The following RNF152 variants were observed in gnomAD, a reference collection of about 807,000 sequenced individuals.
RNF152 encodes E3 ubiquitin-protein ligase RNF152.
Under a neutral mutation model 12.7 loss-of-function variants are expected in RNF152, and 11 were observed. That is an observed-to-expected ratio of 0.86 (90% CI 0.54 to 1.43). The LOEUF is 1.43. Ranked by LOEUF, RNF152 falls within the 40% of genes most tolerant of loss-of-function variation. The pLI is 0.00. For synonymous variants in RNF152, 113 were observed against 120.3 expected (o/e 0.94, Z 0.40); for missense variants, 255 against 274.8 (o/e 0.93, Z 0.51).
At chr18:61,865,800 C>T (rs2144726192) in intron 1 of RNF152, among the ~76,000 whole-genome samples, 1 of 152,252 alleles carries the variant, frequency 6.6e-6, no homozygotes, top group African/African-American at 2.4e-5. Context: ...GACAGCTGTC[C>T]CAATCCCCAA....
intron 1 of RNF152, among the ~76,000 whole-genome samples, chr18:61,828,864 T>C (rs1045659391): frequency 6.6e-6 from 1 of 152,134 alleles, no homozygotes; most frequent in South Asian, 2.1e-4. Flanking sequence ...CAGGCAGCCA[T>C]GCTTGATGTG....
intron 1 of RNF152, among the ~76,000 whole-genome samples, chr18:61,822,578 G>C (rs1311256365): frequency 6.6e-6 from 1 of 152,136 alleles, no homozygotes; most frequent in Non-Finnish European, 1.5e-5. Context: ...TAGAAGTCTA[G>C]GCATATGAGC....
At chr18:61,864,556 A>G (rs937509259) in intron 1 of RNF152, among the ~76,000 whole-genome samples, 2 of 152,146 alleles carry the variant, frequency 1.3e-5, no homozygotes, top group African/African-American at 2.4e-5. Flanking sequence ...CGCTGTGTAG[A>G]CATGGTCGAT....
At chr18:61,862,141 T>C (rs1317213995) in intron 1 of RNF152, among the ~76,000 whole-genome samples, 2 of 152,106 alleles carry the variant, frequency 1.3e-5, no homozygotes, top group African/African-American at 4.8e-5. Flanking sequence ...TTGAGGCTTT[T>C]TTCTCCCTTT....
At chr18:61,845,923 G>T (rs1398314095) in intron 1 of RNF152, among the ~76,000 whole-genome samples, 5 of 151,570 alleles carry the variant, frequency 3.3e-5, no homozygotes, top group Non-Finnish European at 4.4e-5. Context: ...CTTTGTGTGG[G>T]GGGGCGTGGT....
At chr18:61,876,003 C>T (rs1861280558) in intron 1 of RNF152, among the ~76,000 whole-genome samples, 2 of 152,112 alleles carry the variant, frequency 1.3e-5, no homozygotes, top group Admixed American at 6.5e-5. Flanking sequence ...TCCCTAAGTC[C>T]CCCTCCCACC....
intron 1 of RNF152, among the ~76,000 whole-genome samples, chr18:61,878,383 A>G (rs1213133153): frequency 1.3e-5 from 2 of 152,190 alleles, no homozygotes; most frequent in Admixed American, 1.3e-4. Context: ...GTGAGCATCT[A>G]GCCAGCCTCT....
intron 1 of RNF152, among the ~76,000 whole-genome samples, chr18:61,825,714 C>T (rs1013349496): frequency 1.1e-4 from 16 of 152,116 alleles, no homozygotes; most frequent in African/African-American, 3.6e-4. Context: ...AGCCAGGCTC[C>T]CTTGGAGAGC....
chr18:61,857,698 CAA>C (rs1911287098), intron 1 of RNF152, among the ~76,000 whole-genome samples: 1 of 124,028 alleles, frequency 8.1e-6, no homozygotes, highest in African/African-American at 3.1e-5. Flanking sequence ...AGTCATTAAA[CAA>C]ACAAACAAAC....
chr18:61,852,823 C>T (rs1278518953), intron 1 of RNF152, among the ~76,000 whole-genome samples: 4 of 152,136 alleles, frequency 2.6e-5, no homozygotes, highest in African/African-American at 9.7e-5. Flanking sequence ...GCCTGCTCCC[C>T]TAAAAAGTGC....
At chr18:61,817,770 T>C (rs1336097101) in intron 1 of RNF152, among the ~76,000 whole-genome samples, 6 of 151,270 alleles carry the variant, frequency 4.0e-5, no homozygotes. Flanking sequence ...GTTAGCATCC[T>C]GGTATGGAGG....
At chr18:61,823,310 GT>G (rs1008073225) in intron 1 of RNF152, among the ~76,000 whole-genome samples, 4 of 152,014 alleles carry the variant, frequency 2.6e-5, no homozygotes, top group Admixed American at 2.6e-4. Flanking sequence ...CATGTTTTTT[GT>G]TTTTTTGAGA....
chr18:61,840,997 C>T (rs1910429883), intron 1 of RNF152, among the ~76,000 whole-genome samples: 1 of 152,206 alleles, frequency 6.6e-6, no homozygotes, highest in East Asian at 1.9e-4. Flanking sequence ...CACAAAACCA[C>T]ATATAAATTA....
chr18:61,885,229 C>G (rs914249691), intron 1 of RNF152, among the ~76,000 whole-genome samples: 1 of 152,228 alleles, frequency 6.6e-6, no homozygotes, highest in Non-Finnish European at 1.5e-5. Context: ...AACAACACAA[C>G]TGCAAAAGAA....
At chr18:61,871,414 G>T (rs967071506) in intron 1 of RNF152, among the ~76,000 whole-genome samples, 1 of 152,000 alleles carries the variant, frequency 6.6e-6, no homozygotes, top group Non-Finnish European at 1.5e-5. Flanking sequence ...AAGTTACCAG[G>T]ATTCATCATC....
At chr18:61,892,571 C>A (rs1426363695) in intron 1 of RNF152, among the ~76,000 whole-genome samples, 2 of 152,204 alleles carry the variant, frequency 1.3e-5, no homozygotes, top group Admixed American at 1.3e-4. Context: ...GGGATTTCTA[C>A]AATCCCAAAT....
chr18:61,816,442 A>C lies in RNF152; in HGVS notation c.22T>G (p.Ser8Ala). Residue 8 changes from serine (S) to alanine (A), a missense_variant, in exon 2 of 2, where the codon TCT (serine) becomes GCT (alanine). Ser to Ala is a moderately conservative substitution (Grantham distance 99). Transcript: ENST00000312828. The stretch of plus-strand genomic sequence containing the variant: ...AAACAGATCTGACATTCCAGCAGAG[A>C]GTCCTGGGACAGCGTCTCCATGGTG... METLSQD[S>A]LLECQICFNY... 1.2e-6 allele frequency: 2 copies of C among 1,609,060 alleles called. No homozygotes were observed. Among genetic ancestry groups the C allele is most frequent in the East Asian group, 2.2e-5 (1 of 44,726 alleles).
chr18:61,891,318 C>G (rs1429121235), intron 1 of RNF152, among the ~76,000 whole-genome samples: 1 of 152,150 alleles, frequency 6.6e-6, no homozygotes, highest in South Asian at 2.1e-4. Flanking sequence ...CAATTTAAAA[C>G]CACAATGAAA....
intron 1 of RNF152, among the ~76,000 whole-genome samples, chr18:61,885,736 T>A (rs1044588387): frequency 6.6e-6 from 1 of 152,190 alleles, no homozygotes; most frequent in African/African-American, 2.4e-5. Context: ...GTTTCTATCA[T>A]GTGAATGAGT....
Sources: allele counts gnomAD v4.1 joint callset (sites outside exome capture counted in the v4.1 genomes callset), GRCh38; gene constraint gnomAD v4.1.1; transcripts MANE v1.5; gene names NCBI Gene and HGNC (gene_info 2026-07-23, HGNC 2026-07-21).